MID1: variants seen among roughly 807,000 people sequenced by gnomAD.
MID1 encodes the protein midline 1.
Under a neutral mutation model 40.4 loss-of-function variants are expected in MID1, and 7 were observed. The observed-to-expected ratio is 0.17, with a 90% confidence interval of 0.10 to 0.33. MID1 has a LOEUF of 0.33. Among genes scored for constraint, MID1 ranks in the 10% least tolerant of loss-of-function variants. The pLI is 1.00. For missense variants in MID1, 367 were observed against 558.5 expected, an observed-to-expected ratio of 0.66 and a Z score of 3.46; for synonymous variants, 229 against 221.2, an observed-to-expected ratio of 1.04 and a Z score of -0.31.
At chrX:10,528,596 A>G (rs1241571650) in intron 2 of MID1, among the ~76,000 whole-genome samples, 4 of 112,151 alleles carry the variant, frequency 3.6e-5, no homozygotes, top group Non-Finnish European at 3.7e-5. Context: ...ACTGTGTTCA[A>G]TGAAACTTTA....
At chrX:10,637,800 C>A (rs187692845) in intron 1 of MID1, among the ~76,000 whole-genome samples, 1 of 110,687 alleles carries the variant, frequency 9.0e-6, no homozygotes, top group East Asian at 2.8e-4. Context: ...TTTGGAAGTA[C>A]AAGGAATTAA....
chrX:10,592,718 A>G (rs1176689716), intron 1 of MID1, among the ~76,000 whole-genome samples: 5 of 111,161 alleles, frequency 4.5e-5, no homozygotes, highest in African/African-American at 1.6e-4. Context: ...ATTTAAGGTG[A>G]TAACTATGCT....
At chrX:10,810,516 C>T (rs1049082804) in intron 1 of MID1, among the ~76,000 whole-genome samples, 1 of 111,824 alleles carries the variant, frequency 8.9e-6, no homozygotes, top group Non-Finnish European at 1.9e-5. Context: ...CTGCTCCCTG[C>T]TTTCTATTCT....
At chrX:10,779,907 C>T (rs920463352) in intron 1 of MID1, among the ~76,000 whole-genome samples, 16 of 110,008 alleles carry the variant, frequency 1.5e-4, no homozygotes, top group Non-Finnish European at 3.0e-4. Context: ...ACTGGGCTCT[C>T]GGGAAGCCTC....
rs140147761 is a variant in MID1, at chrX:10,506,585, T to C, written c.757-10894A>G. The C allele has an allele frequency of 1.1e-4, 53 of 498,862 alleles. No individual in the cohort carries two copies. The African/African-American group carries it at 1.1e-3, about 10-fold the overall frequency. 41.1% of individuals were successfully genotyped at this position (498,862 alleles called of 1,213,427 possible). A position where few individuals can be genotyped will look rare whatever the true frequency, so the allele number is the denominator to read the frequency against. On this transcript the variant is annotated intron_variant, in intron 3 of 9. Coordinates refer to ENST00000317552, the MANE Select transcript of MID1 (RefSeq NM_000381.4). ...GGCATTAACTTCCCTTTGGAATTAG[T>C]TGGTCCTGGGAGGGGCAGAAAAAGT...
At chrX:10,665,907 A>G (rs775762754) in intron 1 of MID1, among the ~76,000 whole-genome samples, 1 of 109,835 alleles carries the variant, frequency 9.1e-6, no homozygotes, top group African/African-American at 3.3e-5. Flanking sequence ...TTTCTGTGAC[A>G]CACGTGACCT....
rs376250540 is a variant in MID1 at position 10,680,065 on chromosome X, A to G, written c.-186-59646T>C. On this transcript the variant is annotated intron_variant, in intron 1 of 10. Coordinates refer to the MID1 transcript ENST00000380785. ...CCTTAAAACTTGCATCTACATTTTA[A>G]AGCAACAATTGTATCAGCTATGGTC... 2.7e-4 allele frequency among the ~76,000 whole-genome samples: 30 copies of G among 112,075 alleles called. 1 individual carries two copies. Among genetic ancestry groups the G allele is most frequent in the Admixed American group, 2.2e-3 (23 of 10,526 alleles).
At chrX:10,702,762 G>A (rs1466162229) in intron 1 of MID1, among the ~76,000 whole-genome samples, 1 of 112,251 alleles carries the variant, frequency 8.9e-6, no homozygotes, top group Admixed American at 9.5e-5. Flanking sequence ...CCCCAAATTC[G>A]TATGTTGAAG....
In MID1 at chrX:10,482,488, G is replaced by T; in HGVS notation, c.1005C>A (p.Ile335=). The T allele has an allele frequency of 8.3e-7, 1 of 1,210,688 alleles. No homozygotes were observed. Among genetic ancestry groups the T allele is most frequent in the Non-Finnish European group, 1.1e-6 (1 of 895,390 alleles). The change falls in exon 5 of 10, where the codon ATC becomes ATA. Residue 335 remains isoleucine (I), a synonymous_variant. Transcript: ENST00000317552. ...GGGGCCCCTGCACTCACCTCTCGGT[G>T]ATATTCTTAGCAGTCTGTAGGAAAC... ...HARFLQTAKN[I]TERVSMATAS...
At chrX:10,562,371 TAAA>T (rs760465620) in intron 2 of MID1, among the ~76,000 whole-genome samples, 3 of 44,870 alleles carry the variant, frequency 6.7e-5, no homozygotes, top group Admixed American at 2.8e-4. Context: ...GAACTTAAAG[TAAA>T]AAAAAAAAAA....
chrX:10,779,853 T>C (rs1220887850), intron 1 of MID1, among the ~76,000 whole-genome samples: 1 of 111,495 alleles, frequency 9.0e-6, no homozygotes, highest in Non-Finnish European at 1.9e-5. Context: ...TATTGGAGCA[T>C]GTTGCAGGCT....
chrX:10,820,414 C>T (rs2044166639), intron 1 of MID1, among the ~76,000 whole-genome samples: 1 of 111,850 alleles, frequency 8.9e-6, no homozygotes. Context: ...ACACATTTTG[C>T]AGCAGGCCGA....
chrX:10,710,762 T>C (rs2043261950), intron 1 of MID1, among the ~76,000 whole-genome samples: 2 of 110,983 alleles, frequency 1.8e-5, no homozygotes, highest in Non-Finnish European at 3.8e-5. Context: ...TGTGGGAGAG[T>C]AAAAATATCA....
intron 9 of MID1, among the ~76,000 whole-genome samples, chrX:10,451,008 TA>T (rs199893011): frequency 6.3e-5 from 7 of 111,737 alleles, no homozygotes; most frequent in Non-Finnish European, 1.3e-4. Context: ...TGACATTCTT[TA>T]AAAAAAATCA....
At chrX:10,804,185 A>G (rs913051306) in intron 1 of MID1, among the ~76,000 whole-genome samples, 2 of 111,737 alleles carry the variant, frequency 1.8e-5, no homozygotes, top group African/African-American at 6.5e-5. Flanking sequence ...CACATTGTCT[A>G]TTTTTTTCTA....
At chrX:10,723,613 G>A (rs1463124240) in intron 1 of MID1, among the ~76,000 whole-genome samples, 1 of 111,797 alleles carries the variant, frequency 8.9e-6, no homozygotes, top group Non-Finnish European at 1.9e-5. Flanking sequence ...GTGCAGTGGC[G>A]CGATCTCCGC....
At chrX:10,734,592 T>C (rs750840953) in intron 1 of MID1, among the ~76,000 whole-genome samples, 1 of 107,766 alleles carries the variant, frequency 9.3e-6, no homozygotes, top group East Asian at 2.9e-4. Flanking sequence ...GTTGTGGTAG[T>C]TTCATATAAC....
intron 2 of MID1, among the ~76,000 whole-genome samples, chrX:10,531,941 T>A (rs745639249): frequency 6.2e-5 from 7 of 112,373 alleles, no homozygotes; most frequent in Non-Finnish European, 1.1e-4. Flanking sequence ...ATTACTAGAA[T>A]CCTTTCAAAT....
intron 1 of MID1, among the ~76,000 whole-genome samples, chrX:10,778,565 G>A (rs2043823089): frequency 8.9e-6 from 1 of 112,359 alleles, no homozygotes; most frequent in African/African-American, 3.2e-5. Flanking sequence ...ATAGAAAGAT[G>A]ATCCTGGATT....
Sources: gnomAD v4.1 joint callset for allele counts (sites outside exome capture counted in the v4.1 genomes callset) on GRCh38, gnomAD v4.1.1 for gene constraint, MANE v1.5 for transcripts, NCBI Gene and HGNC (gene_info 2026-07-23, HGNC 2026-07-21) for gene names.